FHIP2A: variants seen among roughly 807,000 people sequenced by gnomAD.
The protein encoded by FHIP2A is family with sequence similarity 160 member B1.
A neutral mutation model predicts 93.5 loss-of-function variants in FHIP2A; 46 were observed. That is an observed-to-expected ratio of 0.49 (90% CI 0.39 to 0.63). The LOEUF (loss-of-function observed/expected upper bound fraction) is 0.63, where lower values mean the gene tolerates loss of function less well. Among genes scored for constraint, FHIP2A ranks in the 20% least tolerant of loss-of-function variants. The pLI, the probability that FHIP2A is intolerant of heterozygous loss-of-function variation, is 0.00. For missense variants in FHIP2A, 769 were observed against 909.7 expected (o/e 0.85, Z 1.99); for synonymous variants, 332 against 326.5 (o/e 1.02, Z -0.18).
intron 5 of FHIP2A, among the ~76,000 whole-genome samples, 165 bp from the exon 6 acceptor site, chr10:114,842,768 A>G (rs1385092845): frequency 1.3e-5 from 2 of 151,176 alleles, no homozygotes; most frequent in Non-Finnish European, 2.9e-5. Flanking sequence ...TGGTAAAATC[A>G]TTCTAAAACA....
intron 13 of FHIP2A, among the ~76,000 whole-genome samples, chr10:114,854,140 T>G (rs1047550800): frequency 4.0e-5 from 6 of 151,738 alleles, no homozygotes; most frequent in East Asian, 1.9e-4. Context: ...GACCAGGGTT[T>G]TTTTTTTTTT....
chr10:114,853,407 C>G (rs1412065516), intron 13 of FHIP2A, among the ~76,000 whole-genome samples: 2 of 152,056 alleles, frequency 1.3e-5, no homozygotes, highest in Non-Finnish European at 2.9e-5. Context: ...ATAGTTAATT[C>G]ATAATACTTT....
At chr10:114,850,084 T>C (rs950223718) in intron 13 of FHIP2A, among the ~76,000 whole-genome samples, 1 of 152,258 alleles carries the variant, frequency 6.6e-6, no homozygotes, top group Non-Finnish European at 1.5e-5. Context: ...ATTCCTTTTT[T>C]GTTGAATACG....
chr10:114,897,591 T>C (rs2084006960), intron 16 of FHIP2A, among the ~76,000 whole-genome samples: 3 of 152,198 alleles, frequency 2.0e-5, no homozygotes, highest in Non-Finnish European at 4.4e-5. Context: ...GGAGGTTAAC[T>C]TTATAATTTA....
intron 12 of FHIP2A, among the ~76,000 whole-genome samples, chr10:114,848,134 A>G (rs886409378): frequency 4.6e-5 from 7 of 151,660 alleles, no homozygotes; most frequent in African/African-American, 1.7e-4. Context: ...TTCTGTGGCA[A>G]TTTTTTTTCT....
At chr10:114,847,497 T>C (rs11196950) in intron 12 of FHIP2A, among the ~76,000 whole-genome samples, 61,741 of 151,392 alleles carry the variant, frequency 0.41, 13,124 homozygotes, top group Non-Finnish European at 0.48. Context: ...CCATGTTGGT[T>C]AGGCTGGTCT....
At chr10:114,884,941 A>C (rs1012802731) in intron 16 of FHIP2A, among the ~76,000 whole-genome samples, 1 of 151,158 alleles carries the variant, frequency 6.6e-6, no homozygotes, top group African/African-American at 2.4e-5. Context: ...ATATATGTAG[A>C]GTACTAGGAC....
intron 11 of FHIP2A, 90 bp downstream of exon 11, chr10:114,846,818 G>A: frequency 8.3e-7 from 1 of 1,204,686 alleles, no homozygotes; most frequent in Non-Finnish European, 1.1e-6. Context: ...ATCCTCAAAA[G>A]AAATACCTCT....
chr10:114,870,471 C>G (rs1029488711), intron 16 of FHIP2A, among the ~76,000 whole-genome samples: 3 of 152,150 alleles, frequency 2.0e-5, no homozygotes, highest in Non-Finnish European at 4.4e-5. Flanking sequence ...GGCTACTCCA[C>G]TTACACAAAG....
Position 114,879,017 on chromosome 10 carries a change from A to G in FHIP2A, c.2192+17683A>G, listed in dbSNP as rs558266723. Among the ~76,000 whole-genome samples, 101 of 152,360 alleles carry G rather than the reference A, an allele frequency of 6.6e-4. 3 individuals carry two copies. In the South Asian group the frequency reaches 0.02, roughly 31 times the overall value. On this transcript the variant is annotated intron_variant, in intron 16 of 16. Transcript: ENST00000369250. ...ATAGTAATATTTGCTACATTTTTAC[A>G]GAACAGCTATTATTATGTGCCAGGC...
chr10:114,890,672 C>A (rs1462887168), intron 16 of FHIP2A, among the ~76,000 whole-genome samples: 1 of 145,108 alleles, frequency 6.9e-6, no homozygotes, highest in South Asian at 2.1e-4. Context: ...AAAATATATA[C>A]CGTATATGAC....
At chr10:114,841,228 A>G (rs553234115) in intron 5 of FHIP2A, among the ~76,000 whole-genome samples, 2 of 151,664 alleles carry the variant, frequency 1.3e-5, no homozygotes, top group African/African-American at 4.8e-5. Flanking sequence ...TCTCCCAACA[A>G]TATTACTAGT....
Position 114,862,254 on chromosome 10 carries a change from CTG to C in FHIP2A, c.*718_*719del, listed in dbSNP as rs1423227534. ...ATGTGTGGGTCCCAGTTTATTTAAACTGTGTCGTTTTCGCAGCAGTGTTCAAT... is the reference window on the plus strand; with the variant it reads ...ATGTGTGGGTCCCAGTTTATTTAAACTGTCGTTTTCGCAGCAGTGTTCAAT... On this transcript the variant is annotated 3_prime_UTR_variant, in exon 17 of 17. Coordinates refer to ENST00000369248, the MANE Select transcript of FHIP2A (RefSeq NM_020940.4). The C allele has an allele frequency of 2.0e-6, 2 of 986,248 alleles. No homozygotes were observed. The highest frequency in any genetic ancestry group is 1.7e-5 in the African/African-American group (1 of 57,224). The allele number at this position is 986,248 out of a possible 1,614,324, so 61.1% of individuals were successfully genotyped here.
At chr10:114,866,333 A>G (rs1037600227), downstream of FHIP2A, among the ~76,000 whole-genome samples, 4 of 152,192 alleles carry the variant, frequency 2.6e-5, no homozygotes, top group African/African-American at 9.6e-5. Flanking sequence ...TCCACGGTGT[A>G]TATACACTAC....
chr10:114,870,886 A>G (rs2083856109), intron 16 of FHIP2A, among the ~76,000 whole-genome samples: 2 of 152,068 alleles, frequency 1.3e-5, no homozygotes, highest in South Asian at 2.1e-4. Flanking sequence ...CTGGCTTTCT[A>G]TTACATTTGG....
intron 16 of FHIP2A, among the ~76,000 whole-genome samples, chr10:114,876,664 T>G (rs2143014729): frequency 6.6e-6 from 1 of 152,250 alleles, no homozygotes; most frequent in Middle Eastern, 3.4e-3. Context: ...CTGGACAAGC[T>G]TCCCAGGGGG....
intron 16 of FHIP2A, among the ~76,000 whole-genome samples, chr10:114,876,444 C>T (rs2083889759): frequency 6.6e-6 from 1 of 152,212 alleles, no homozygotes; most frequent in Non-Finnish European, 1.5e-5. Context: ...CCTCCCCGAG[C>T]CTCAGTTTCC....
downstream of FHIP2A, among the ~76,000 whole-genome samples, chr10:114,865,807 C>CAA (rs59793424): frequency 0.012 from 1,765 of 141,514 alleles, 19 homozygotes; most frequent in African/African-American, 0.037. Context: ...TACCTCTTTT[C>CAA]AAAAAAAAAA....
intron 16 of FHIP2A, among the ~76,000 whole-genome samples, chr10:114,880,538 G>A (rs2083911542): frequency 6.6e-6 from 1 of 152,098 alleles, no homozygotes. Context: ...AAAATAGCCA[G>A]GTGTGATGGT....
Sources: allele counts gnomAD v4.1 joint callset (sites outside exome capture counted in the v4.1 genomes callset), GRCh38; gene constraint gnomAD v4.1.1; transcripts MANE v1.5; gene names NCBI Gene and HGNC (gene_info 2026-07-23, HGNC 2026-07-21).